PHYHIP: variants seen among roughly 807,000 people sequenced by gnomAD.
PHYHIP encodes phytanoyl-CoA hydroxylase-interacting protein.
A neutral mutation model predicts 26.1 loss-of-function variants in PHYHIP; 7 were observed. The ratio of observed to expected loss-of-function variants is 0.27; its 90% CI spans 0.15 to 0.50. The LOEUF (loss-of-function observed/expected upper bound fraction) is 0.50. Among genes scored for constraint, PHYHIP ranks in the 20% least tolerant of loss-of-function variants. PHYHIP has a pLI of 0.98. For missense variants in PHYHIP, 232 were observed against 454.7 expected (o/e 0.51, Z 4.45); for synonymous variants, 206 against 183.4 (o/e 1.12, Z -1.00).
chr8:22,227,502 G>C (rs1040164933), intron 2 of PHYHIP: 7 of 400,100 alleles, frequency 1.7e-5, no homozygotes, highest in Non-Finnish European at 2.0e-5. Context: ...TCCAGAGAAA[G>C]AGAGCGGGTG....
intron 3 of PHYHIP, 97 bp from the exon 4 acceptor site, chr8:22,224,440 A>T: frequency 4.1e-6 from 3 of 729,730 alleles, no homozygotes; most frequent in Non-Finnish European, 7.3e-6. Flanking sequence ...GTGCCGGCCA[A>T]CCTCTGTCCG....
intron 1 of PHYHIP, among the ~76,000 whole-genome samples, chr8:22,229,415 T>C (rs1829824332): frequency 1.3e-5 from 2 of 152,190 alleles, no homozygotes; most frequent in South Asian, 2.1e-4. Context: ...CCCCTCCCTG[T>C]CTTACTCCTT....
chr8:22,231,398 A>G (rs1829862584), intron 1 of PHYHIP, among the ~76,000 whole-genome samples: 2 of 152,202 alleles, frequency 1.3e-5, no homozygotes, highest in South Asian at 4.1e-4. Context: ...AAACCCACAC[A>G]TGAGCATGAC....
chr8:22,230,972 CAT>C (rs1304592257), intron 1 of PHYHIP, among the ~76,000 whole-genome samples: 3 of 152,344 alleles, frequency 2.0e-5, no homozygotes, highest in Non-Finnish European at 2.9e-5. Context: ...CCGGCACACA[CAT>C]GTGTGTTCAT....
rs1192699817 is a variant in PHYHIP, at chr8:22,220,774, T to C, written c.*579A>G. The C allele has an allele frequency of 1.3e-5, 2 of 152,166 alleles. No homozygotes were observed. The highest frequency in any genetic ancestry group is 2.1e-4 in the South Asian group (1 of 4,802). 9.4% of individuals were successfully genotyped at this position (152,166 alleles called of 1,614,324 possible). Reference sequence around the variant, plus strand: ...GCTCTCCCATGCAGGAAGAGGGTTCTTTGGGGCAAGGAGCAGCCAGGGAGT... The same window carrying C: ...GCTCTCCCATGCAGGAAGAGGGTTCCTTGGGGCAAGGAGCAGCCAGGGAGT... On this transcript the variant is annotated 3_prime_UTR_variant, in exon 5 of 5. Transcript: ENST00000454243.
At chr8:22,231,228 A>G (rs1829859817) in intron 1 of PHYHIP, among the ~76,000 whole-genome samples, 1 of 151,132 alleles carries the variant, frequency 6.6e-6, no homozygotes, top group Non-Finnish European at 1.5e-5. Flanking sequence ...GTCTGCATAC[A>G]CTCCCACACA....
chr8:22,222,852 C>T (rs1366628260), intron 4 of PHYHIP, among the ~76,000 whole-genome samples: 3 of 152,110 alleles, frequency 2.0e-5, no homozygotes, highest in Non-Finnish European at 2.9e-5. Context: ...AATCCACACC[C>T]GGCTAATTCT....
intron 1 of PHYHIP, 112 bp from the exon 2 acceptor site, chr8:22,228,498 A>G (rs368185082): frequency 3.2e-6 from 2 of 629,314 alleles, no homozygotes; most frequent in South Asian, 1.9e-5. Flanking sequence ...TGGAATCCAC[A>G]TGCCTCATGA....
chr8:22,224,143 A>G, intron 4 of PHYHIP, 83 bp downstream of exon 4: 1 of 820,100 alleles, frequency 1.2e-6, no homozygotes, highest in Non-Finnish European at 2.1e-6. Context: ...GGTGGGGGTG[A>G]CCTCAGACAG....
At chr8:22,230,890 A>G (rs1829853628) in intron 1 of PHYHIP, among the ~76,000 whole-genome samples, 1 of 151,892 alleles carries the variant, frequency 6.6e-6, no homozygotes, top group Non-Finnish European at 1.5e-5. Context: ...ATATGTGGGG[A>G]AAAGAGGATG....
chr8:22,224,592 C>A (rs779552039), intron 3 of PHYHIP, among the ~76,000 whole-genome samples: 29 of 152,230 alleles, frequency 1.9e-4, no homozygotes, highest in South Asian at 4.1e-4. Flanking sequence ...AGGCTCCGGG[C>A]TCTCCGGGTC....
chr8:22,226,828 G>A (rs906196087), intron 3 of PHYHIP, 23 bp downstream of exon 3: 1 of 1,598,488 alleles, frequency 6.3e-7, no homozygotes. Context: ...CAGCAGGACA[G>A]GGGTGTGATA....
chr8:22,225,271 T>A (rs1169474695), intron 3 of PHYHIP, among the ~76,000 whole-genome samples: 6 of 152,074 alleles, frequency 3.9e-5, no homozygotes, highest in African/African-American at 1.4e-4. Context: ...GCCCAGGAGT[T>A]TGAGACTAGC....
chr8:22,221,193 C>T lies in PHYHIP; in HGVS notation c.*160G>A. On this transcript the variant is annotated 3_prime_UTR_variant, in exon 5 of 5. Transcript: ENST00000454243. This position sits in a 1 kb window ranked among gnomAD's most constrained non-coding sequence, Gnocchi z 7.9. ...TGTGGGCCACACTTACCAAGAGGAC[C>T]ACCGTCTGTTGCCTCCAATGCCAAG... is the stretch of plus-strand genomic sequence containing the variant. 1 of 657,448 alleles carries T rather than the reference C, an allele frequency of 1.5e-6. No individual in the cohort carries two copies. The highest frequency in any genetic ancestry group is 2.5e-6 in the Non-Finnish European group (1 of 398,786). 40.7% of individuals were successfully genotyped at this position (657,448 alleles called of 1,614,324 possible). A position where few individuals can be genotyped will look rare whatever the true frequency, so the allele number is the denominator to read the frequency against.
intron 4 of PHYHIP, among the ~76,000 whole-genome samples, chr8:22,223,230 C>T (rs1043314993): frequency 1.3e-5 from 2 of 151,976 alleles, no homozygotes; most frequent in East Asian, 3.9e-4. Flanking sequence ...GGCATGGTGG[C>T]GCATACCTGT....
intron 4 of PHYHIP, 136 bp from the exon 5 acceptor site, chr8:22,222,023 A>G (rs1429647873): frequency 7.4e-6 from 5 of 677,428 alleles, no homozygotes; most frequent in Admixed American, 2.9e-5. Flanking sequence ...CGCCTCCACT[A>G]GTCGCAAATA....
chr8:22,221,330 G>GC lies in PHYHIP; in HGVS notation c.*22dup, dbSNP rs1829618588. ...TCCACCTTCCGCTCATCTCTCCCTC[G>GC]CCCCCCAGCTCCCCAGGAGTCCCTA... On this transcript the variant is annotated 3_prime_UTR_variant, in exon 5 of 5. Transcript: ENST00000454243. This position sits in a 1 kb window ranked among gnomAD's most constrained non-coding sequence, Gnocchi z 7.9. 5 of 1,531,166 alleles carry GC rather than the reference G, an allele frequency of 3.3e-6. No homozygotes were observed. Among genetic ancestry groups the GC allele is most frequent in the Non-Finnish European group, 4.4e-6 (5 of 1,138,020 alleles). 94.8% of individuals were successfully genotyped at this position (1,531,166 alleles called of 1,614,324 possible).
At position 22,227,957 on chromosome 8, in the gene PHYHIP, C is replaced by G. The variant is rs1212346367; in HGVS notation, c.165+236G>C. Among the ~76,000 whole-genome samples, 3 of 152,272 alleles carry G rather than the reference C, an allele frequency of 2.0e-5. No individual in the cohort carries two copies. In the East Asian group the frequency reaches 5.8e-4, roughly 29 times the overall value. ...GGCGCCGGGCCAAGCACCACGCAAA[C>G]ATGACTCACTGCATCCTCTCCACGA... On this transcript the variant is annotated intron_variant, in intron 2 of 4. Coordinates refer to ENST00000454243, the MANE Select transcript of PHYHIP (RefSeq NM_014759.5).
chr8:22,229,781 A>T (rs1182765740), intron 1 of PHYHIP, among the ~76,000 whole-genome samples: 1 of 152,098 alleles, frequency 6.6e-6, no homozygotes, highest in Non-Finnish European at 1.5e-5. Flanking sequence ...TGCCTGCAAA[A>T]GCAGGTACTT....
Sources: gnomAD v4.1 joint callset for allele counts (sites outside exome capture counted in the v4.1 genomes callset) on GRCh38, gnomAD v4.1.1 for gene constraint, Gnocchi (gnomAD v3.1) non-coding constraint, MANE v1.5 for transcripts, NCBI Gene and HGNC (gene_info 2026-07-23, HGNC 2026-07-21) for gene names.